SLC35D4: variants seen among roughly 807,000 people sequenced by gnomAD.
SLC35D4 encodes UDP-N-acetylglucosamine transporter SLC35D4.
At chr18:23,248,874 A>G in the SLC35D4 span, among the ~76,000 whole-genome samples, 1 of 152,234 alleles carries the variant, frequency 6.6e-6, no homozygotes, top group Admixed American at 6.5e-5. Context: ...ACTTACTAGA[A>G]TCATTGAGGA....
At chr18:23,363,364 A>ATTTTTTTTTTTTTTTT in the SLC35D4 span, among the ~76,000 whole-genome samples, 2 of 90,464 alleles carry the variant, frequency 2.2e-5, no homozygotes, top group African/African-American at 1.0e-4. Flanking sequence ...ACAAAAGCAC[A>ATTTTTTTTTTTTTTTT]TTTTTTTTTT....
the SLC35D4 span, among the ~76,000 whole-genome samples, chr18:23,290,643 TTG>T: frequency 6.6e-6 from 1 of 151,882 alleles, no homozygotes. Flanking sequence ...TTTTTTTTTT[TTG>T]AGATGGAGTC....
chr18:23,363,961 T>C, the SLC35D4 span, among the ~76,000 whole-genome samples: 3 of 152,230 alleles, frequency 2.0e-5, no homozygotes, highest in East Asian at 5.8e-4. Flanking sequence ...ATAGGAACTG[T>C]GCTTTCATAT....
At chr18:23,290,534 G>T in the SLC35D4 span, among the ~76,000 whole-genome samples, 2 of 152,178 alleles carry the variant, frequency 1.3e-5, no homozygotes, top group Non-Finnish European at 2.9e-5. Context: ...TTTTGGAAGA[G>T]AAATTCCTCA....
chr18:23,363,364 ATTTTTTTTTTTTT>A, the SLC35D4 span, among the ~76,000 whole-genome samples: 11 of 90,464 alleles, frequency 1.2e-4, no homozygotes, highest in Admixed American at 7.2e-4. Flanking sequence ...ACAAAAGCAC[ATTTTTTTTTTTTT>A]TTTTTTTTTT....
the SLC35D4 span, chr18:23,298,179 A>C: frequency 5.7e-6 from 7 of 1,229,616 alleles, no homozygotes; most frequent in South Asian, 1.3e-5. Context: ...ACTGAGACTC[A>C]TCACCAGCCC....
At chr18:23,416,299 C>G in the SLC35D4 span, among the ~76,000 whole-genome samples, 11 of 152,170 alleles carry the variant, frequency 7.2e-5, no homozygotes, top group Non-Finnish European at 1.5e-4. Context: ...ATGGCCTATG[C>G]TGCCCAGTCT....
chr18:23,329,470 G>A, the SLC35D4 span, among the ~76,000 whole-genome samples: 1 of 152,158 alleles, frequency 6.6e-6, no homozygotes, highest in African/African-American at 2.4e-5. Context: ...CATCATCACT[G>A]GTCATCAGAG....
chr18:23,261,446 AC>A, the SLC35D4 span, among the ~76,000 whole-genome samples: 1 of 151,596 alleles, frequency 6.6e-6, no homozygotes, highest in East Asian at 1.9e-4. Flanking sequence ...ACATGGCAAA[AC>A]CCTGTCTCTA....
the SLC35D4 span, among the ~76,000 whole-genome samples, chr18:23,263,541 G>C: frequency 6.6e-6 from 1 of 152,220 alleles, no homozygotes; most frequent in Non-Finnish European, 1.5e-5. Flanking sequence ...TCACAATCAG[G>C]TTTAACGCAG....
At chr18:23,364,306 G>A in the SLC35D4 span, among the ~76,000 whole-genome samples, 1 of 151,800 alleles carries the variant, frequency 6.6e-6, no homozygotes, top group African/African-American at 2.4e-5. Context: ...TCATTTTGTG[G>A]TTTGTTTGTT....
the SLC35D4 span, among the ~76,000 whole-genome samples, chr18:23,360,392 C>T: frequency 6.6e-6 from 1 of 152,160 alleles, no homozygotes; most frequent in Non-Finnish European, 1.5e-5. Context: ...TGAGCATCAA[C>T]AGGTAAATGG....
chr18:23,287,941 C>A, the SLC35D4 span, among the ~76,000 whole-genome samples: 12 of 152,184 alleles, frequency 7.9e-5, no homozygotes, highest in South Asian at 2.1e-4. Flanking sequence ...TCTTAGAGGC[C>A]CTTAAAATCA....
At chr18:23,283,585 G>C in the SLC35D4 span, among the ~76,000 whole-genome samples, 1 of 151,964 alleles carries the variant, frequency 6.6e-6, no homozygotes, top group African/African-American at 2.4e-5. Context: ...TGAGGTGGGC[G>C]GATCACCTGA....
At chr18:23,381,742 C>T in the SLC35D4 span, among the ~76,000 whole-genome samples, 1 of 152,142 alleles carries the variant, frequency 6.6e-6, no homozygotes, top group Admixed American at 6.5e-5. Flanking sequence ...GACATCTGCC[C>T]TCATCTCTAG....
At chr18:23,280,057 A>G in the SLC35D4 span, among the ~76,000 whole-genome samples, 1 of 152,228 alleles carries the variant, frequency 6.6e-6, no homozygotes, top group Non-Finnish European at 1.5e-5. Flanking sequence ...CGGCAGCCCT[A>G]GGAAATGAAT....
chr18:23,373,892 C>A, the SLC35D4 span: 1 of 881,362 alleles, frequency 1.1e-6, no homozygotes, highest in East Asian at 2.8e-5. Context: ...AACTTGGTTC[C>A]TCTGTCCTTC....
At chr18:23,298,683 T>C in the SLC35D4 span, among the ~76,000 whole-genome samples, 3 of 152,140 alleles carry the variant, frequency 2.0e-5, no homozygotes, top group Non-Finnish European at 4.4e-5. Flanking sequence ...GCCAAAGTCC[T>C]CTCCACTTTC....
the SLC35D4 span, among the ~76,000 whole-genome samples, chr18:23,384,666 G>A: frequency 2.6e-5 from 4 of 152,224 alleles, no homozygotes; most frequent in African/African-American, 4.8e-5. Flanking sequence ...ACTCTGCTAC[G>A]CCTTGTCCTG....
Sources: allele counts gnomAD v4.1 joint callset (sites outside exome capture counted in the v4.1 genomes callset), GRCh38; gene constraint gnomAD v4.1.1; transcripts MANE v1.5; gene names NCBI Gene and HGNC (gene_info 2026-07-23, HGNC 2026-07-21).